ARAP2: variants seen among roughly 807,000 people sequenced by gnomAD.
The protein encoded by ARAP2 is arf-GAP with Rho-GAP domain, ANK repeat and PH domain-containing protein 2.
ARAP2 carries 148 observed loss-of-function variants against 194.5 expected under a neutral mutation model. The ratio of observed to expected loss-of-function variants is 0.76; its 90% CI spans 0.67 to 0.87. ARAP2 has a LOEUF of 0.87. ARAP2 is among the 40% of genes least tolerant of loss of function. ARAP2 has a pLI of 0.00. For missense variants in ARAP2, 2,128 were observed against 1,989.7 expected (o/e 1.07, Z -1.32); for synonymous variants, 695 against 683.5 (o/e 1.02, Z -0.26).
chr4:36,242,553 G>A (rs934268148), intron 1 of ARAP2, among the ~76,000 whole-genome samples: 2 of 152,072 alleles, frequency 1.3e-5, no homozygotes, highest in Admixed American at 6.5e-5. Context: ...GTTTCAATGC[G>A]TTAAAGTTCT....
intron 15 of ARAP2, among the ~76,000 whole-genome samples, chr4:36,151,448 G>T (rs1730949689): frequency 6.6e-6 from 1 of 152,140 alleles, no homozygotes; most frequent in Non-Finnish European, 1.5e-5. Flanking sequence ...AATCTGCACG[G>T]CCCTTAATGC....
intron 2 of ARAP2, among the ~76,000 whole-genome samples, chr4:36,226,192 A>C (rs565133681): frequency 3.3e-5 from 5 of 152,290 alleles, no homozygotes; most frequent in African/African-American, 1.2e-4. Flanking sequence ...CTAGTACTAA[A>C]TTATTTACTA....
chr4:36,121,825 G>A (rs979834935), intron 22 of ARAP2, among the ~76,000 whole-genome samples: 1 of 151,658 alleles, frequency 6.6e-6, no homozygotes, highest in African/African-American at 2.4e-5. Context: ...AAGAATATCT[G>A]GGCCCATGTG....
intron 2 of ARAP2, among the ~76,000 whole-genome samples, chr4:36,216,786 G>A (rs538640873): frequency 6.6e-6 from 1 of 152,260 alleles, no homozygotes; most frequent in South Asian, 2.1e-4. Context: ...AAATCATCAT[G>A]CTGAGCAAAA....
At chr4:36,031,463 T>C (rs1718939879) in intron 5 of ARAP2, among the ~76,000 whole-genome samples, 1 of 152,194 alleles carries the variant, frequency 6.6e-6, no homozygotes, top group Admixed American at 6.5e-5. Context: ...TTGTGTTGTG[T>C]TTTGTTTTTC....
intron 8 of ARAP2, among the ~76,000 whole-genome samples, chr4:36,186,381 CAT>C (rs1327698023): frequency 6.6e-6 from 1 of 152,146 alleles, no homozygotes; most frequent in Non-Finnish European, 1.5e-5. Context: ...ATCCAGAAAA[CAT>C]GTGCCATCTT....
chr4:36,212,707 ATCAAT>A (rs1403519126), intron 4 of ARAP2, among the ~76,000 whole-genome samples: 3 of 151,992 alleles, frequency 2.0e-5, no homozygotes, highest in South Asian at 2.1e-4. Context: ...TCGTTAACTC[ATCAAT>A]TCAAGTAAGA....
At chr4:36,014,436 T>C (rs901827582) in intron 8 of ARAP2, among the ~76,000 whole-genome samples, 2 of 152,026 alleles carry the variant, frequency 1.3e-5, no homozygotes, top group African/African-American at 2.4e-5. Context: ...ATTTTATTCA[T>C]AGTGCCACAA....
intron 9 of ARAP2, among the ~76,000 whole-genome samples, chr4:36,168,012 CAAA>C (rs201722225): frequency 8.3e-6 from 1 of 120,406 alleles, no homozygotes. Flanking sequence ...AGGCAAAATA[CAAA>C]AAAAAAAAAA....
chr4:36,083,152 G>C (rs892133958), intron 29 of ARAP2, among the ~76,000 whole-genome samples: 2 of 151,974 alleles, frequency 1.3e-5, no homozygotes, highest in Admixed American at 6.6e-5. Flanking sequence ...CAAGGAGCTT[G>C]GTCTCAGTCT....
intron 18 of ARAP2, 70 bp from the exon 19 acceptor site, chr4:36,147,429 T>C: frequency 6.3e-7 from 1 of 1,578,492 alleles, no homozygotes; most frequent in Non-Finnish European, 8.7e-7. Flanking sequence ...AAGACACAAA[T>C]ATTAATACTG....
chr4:36,201,875 A>G (rs969932042), intron 6 of ARAP2, among the ~76,000 whole-genome samples: 4 of 152,150 alleles, frequency 2.6e-5, no homozygotes, highest in Non-Finnish European at 4.4e-5. Flanking sequence ...CAATGATACC[A>G]ATCTAAGGTG....
chr4:36,189,069 T>C (rs914127080), intron 7 of ARAP2, among the ~76,000 whole-genome samples: 1 of 152,202 alleles, frequency 6.6e-6, no homozygotes, highest in Non-Finnish European at 1.5e-5. Flanking sequence ...AAGGCTCTCC[T>C]ATGTCCTCCC....
At chr4:36,178,399 T>C (rs1038018826) in intron 8 of ARAP2, among the ~76,000 whole-genome samples, 29 of 152,302 alleles carry the variant, frequency 1.9e-4, no homozygotes, top group Middle Eastern at 6.8e-3. Flanking sequence ...GTGATATTGC[T>C]ACCCAACAAT....
chr4:36,087,041 T>A (rs1212817373), intron 28 of ARAP2, among the ~76,000 whole-genome samples: 3 of 152,102 alleles, frequency 2.0e-5, no homozygotes, highest in African/African-American at 7.2e-5. Flanking sequence ...TCCTCCCTTT[T>A]AACTAAATCA....
intron 6 of ARAP2, among the ~76,000 whole-genome samples, chr4:36,018,243 G>GT (rs1486789363): frequency 1.3e-5 from 2 of 152,126 alleles, no homozygotes; most frequent in Non-Finnish European, 2.9e-5. Flanking sequence ...GAGGTCATGA[G>GT]TTTCAAGAGT....
At chr4:36,068,822 G>A (rs766858792) in intron 32 of ARAP2, among the ~76,000 whole-genome samples, 8 of 152,150 alleles carry the variant, frequency 5.3e-5, no homozygotes, top group Non-Finnish European at 1.2e-4. Context: ...TTTTATGTAT[G>A]TTCACCTTAT....
intron 28 of ARAP2, among the ~76,000 whole-genome samples, chr4:36,085,241 G>C (rs1481778533): frequency 1.3e-5 from 2 of 151,904 alleles, no homozygotes; most frequent in Non-Finnish European, 2.9e-5. Context: ...GGTCTTTTGG[G>C]GGTTGGTTTC....
chr4:36,160,880 A>C (rs1000789836), intron 12 of ARAP2, among the ~76,000 whole-genome samples: 4 of 152,194 alleles, frequency 2.6e-5, no homozygotes, highest in Non-Finnish European at 5.9e-5. Context: ...AATTGCAAAC[A>C]ACACAAATTG....
Sources: allele counts gnomAD v4.1 joint callset (sites outside exome capture counted in the v4.1 genomes callset), GRCh38; gene constraint gnomAD v4.1.1; transcripts MANE v1.5; gene names NCBI Gene and HGNC (gene_info 2026-07-23, HGNC 2026-07-21).